Variants in GRM4 observed in about 807,000 individuals in gnomAD.
GRM4 encodes metabotropic glutamate receptor 4.
Under a neutral mutation model 81.7 loss-of-function variants are expected in GRM4, and 28 were observed. The ratio of observed to expected loss-of-function variants is 0.34; its 90% CI spans 0.25 to 0.47. The LOEUF is 0.47. Among genes scored for constraint, GRM4 ranks in the 20% least tolerant of loss-of-function variants. The pLI, the probability that GRM4 is intolerant of heterozygous loss-of-function variation, is 1.00. For synonymous variants in GRM4, 488 were observed against 528.8 expected (o/e 0.92, Z 1.06); for missense variants, 948 against 1,290.0 (o/e 0.73, Z 4.06).
chr6:34,051,580 A>C (rs1422265531), intron 6 of GRM4, among the ~76,000 whole-genome samples: 1 of 152,132 alleles, frequency 6.6e-6, no homozygotes, highest in African/African-American at 2.4e-5. Context: ...CGGATGCCAC[A>C]TCTGCCTTGT....
intron 3 of GRM4, among the ~76,000 whole-genome samples, chr6:34,073,989 G>A (rs769612988): frequency 2.0e-5 from 3 of 152,182 alleles, no homozygotes; most frequent in Admixed American, 1.3e-4. Context: ...TTCATGGAGC[G>A]GCTCTGTGGC....
chr6:34,109,808 T>C (rs1769291161), intron 2 of GRM4, among the ~76,000 whole-genome samples: 1 of 152,162 alleles, frequency 6.6e-6, no homozygotes, highest in Non-Finnish European at 1.5e-5. Context: ...TTCAGGATAC[T>C]GAGCTGAAAT....
intron 8 of GRM4, among the ~76,000 whole-genome samples, chr6:34,037,561 G>A (rs543322612): frequency 1.3e-5 from 2 of 152,168 alleles, no homozygotes; most frequent in South Asian, 4.2e-4. Context: ...GTGTGGGGAG[G>A]GCTTTAGAAT....
intron 6 of GRM4, 161 bp downstream of exon 6, chr6:34,056,383 C>A: frequency 1.6e-6 from 1 of 638,238 alleles, no homozygotes. Context: ...AAGGCCCCGC[C>A]CCAGGCCTCC....
chr6:34,142,558 G>A (rs547932415), intron 1 of GRM4, among the ~76,000 whole-genome samples: 12 of 152,294 alleles, frequency 7.9e-5, no homozygotes, highest in African/African-American at 2.6e-4. Context: ...CAGCAGGGTG[G>A]GGATGGGTGT....
At chr6:34,105,888 C>G (rs572650393) in intron 2 of GRM4, 146 of 152,324 alleles carry the variant, frequency 9.6e-4, no homozygotes, top group African/African-American at 3.4e-3. Flanking sequence ...ATTGTTGGCT[C>G]TACTTGAAAA....
Position 34,068,557 on chromosome 6 carries a change from C to T in GRM4, c.737-6529G>A, listed in dbSNP as rs564396689. On this transcript the variant is annotated intron_variant, in intron 3 of 10. Transcript: ENST00000538487. This position sits in a 1 kb window ranked among gnomAD's most constrained non-coding sequence, Gnocchi z 4.2. Reference sequence around the variant, plus strand: ...CCCCACCTGTCTCAAAAAGTCCCCCCTCCATCCTGCAAGGCCAGCCCTCCA... The same window carrying T: ...CCCCACCTGTCTCAAAAAGTCCCCCTTCCATCCTGCAAGGCCAGCCCTCCA... 4.6e-5 allele frequency among the ~76,000 whole-genome samples: 7 copies of T among 152,262 alleles called. No homozygotes were observed. The South Asian group carries it at 1.5e-3, about 32-fold the overall frequency.
At chr6:34,100,143 G>T in intron 2 of GRM4, 1 of 623,680 alleles carries the variant, frequency 1.6e-6, no homozygotes, top group Non-Finnish European at 2.0e-6. Context: ...GTGCTCCAGT[G>T]CAATTGATCA....
intron 8 of GRM4, among the ~76,000 whole-genome samples, chr6:34,037,671 T>A (rs909159578): frequency 1.3e-5 from 2 of 152,044 alleles, no homozygotes; most frequent in Non-Finnish European, 2.9e-5. Context: ...GAGACCAGCC[T>A]GGCCAACATG....
In GRM4 at chr6:34,080,480, C is replaced by A. The variant is rs1424981226; in HGVS notation, c.736+11403G>T. On this transcript the variant is annotated intron_variant, in intron 3 of 10. Transcript: ENST00000538487. The surrounding 1 kb of genome is among the most constrained non-coding windows in gnomAD (Gnocchi z 5.4). Reference sequence around the variant, plus strand: ...CGTACCCCAGTGTCCTGGTCCAATGCCTGGCACATAGTCAGTGCTCAATAA... The same window carrying A: ...CGTACCCCAGTGTCCTGGTCCAATGACTGGCACATAGTCAGTGCTCAATAA... Among the ~76,000 whole-genome samples, 1 of 152,210 alleles carries A rather than the reference C, an allele frequency of 6.6e-6. No homozygotes were observed. Among genetic ancestry groups the A allele is most frequent in the South Asian group, 2.1e-4 (1 of 4,832 alleles).
In GRM4 at chr6:34,035,232, G is replaced by GT. The variant is rs1764626650; in HGVS notation, c.2442+435dup. Among the ~76,000 whole-genome samples the GT allele has an allele frequency of 6.6e-6, 1 of 151,384 alleles. No homozygotes were observed. Among genetic ancestry groups the GT allele is most frequent in the Non-Finnish European group, 1.5e-5 (1 of 67,880 alleles). On this transcript the variant is annotated intron_variant, in intron 9 of 10. Transcript: ENST00000538487. The surrounding 1 kb of genome is among the most constrained non-coding windows in gnomAD (Gnocchi z 6.6). Reference sequence around the variant, plus strand: ...TCCAGGCTTATGGAGGGGGGAAGGGGTGAGAGAATAGGAGGAGGAAAGAAT... The same window carrying GT: ...TCCAGGCTTATGGAGGGGGGAAGGGGTTGAGAGAATAGGAGGAGGAAAGAAT...
rs1453293160 is a variant in GRM4, at chr6:34,070,543, T to C, written c.737-8515A>G. Among the ~76,000 whole-genome samples, 1 of 151,950 alleles carries C rather than the reference T, an allele frequency of 6.6e-6. No homozygotes were observed. On this transcript the variant is annotated intron_variant, in intron 3 of 10. Coordinates refer to ENST00000538487, the MANE Select transcript of GRM4 (RefSeq NM_000841.4). This position sits in a 1 kb window ranked among gnomAD's most constrained non-coding sequence, Gnocchi z 4.6. ...CAGTGTAGTGGTGTTTGTGCAGGTC[T>C]GCCCCCTGGAGCCAACACCTCTGGG...
chr6:34,019,592 G>A lies in GRM4; in HGVS notation c.*3229C>T, dbSNP rs1402596743. ...CCCTGCTGGTTAGAAAGTGTGCTGT[G>A]GGGTGGGATGTCTGCTAGCCCAATC... On this transcript the variant is annotated 3_prime_UTR_variant, in exon 11 of 11. Coordinates refer to ENST00000538487, the MANE Select transcript of GRM4 (RefSeq NM_000841.4). The A allele has an allele frequency of 1.3e-5, 2 of 152,326 alleles. No individual in the cohort carries two copies. Among genetic ancestry groups the A allele is most frequent in the East Asian group, 3.9e-4 (2 of 5,188 alleles). 9.4% of individuals were successfully genotyped at this position (152,326 alleles called of 1,614,324 possible). A position where few individuals can be genotyped will look rare whatever the true frequency, so the allele number is the denominator to read the frequency against.
Position 34,092,171 on chromosome 6 carries a change from C to A in GRM4, c.520-72G>T. ...CTGCCTAGCCAGCCCCATTCCCCTA[C>A]ACACCAACCTCCCTTTGGTCCCCAC... On this transcript the variant is annotated intron_variant, in intron 2 of 10. Coordinates refer to ENST00000538487, the MANE Select transcript of GRM4 (RefSeq NM_000841.4). This position sits in a 1 kb window ranked among gnomAD's most constrained non-coding sequence, Gnocchi z 6.8. The A allele has an allele frequency of 1.0e-6, 1 of 997,184 alleles. No individual in the cohort carries two copies. The highest frequency in any genetic ancestry group is 1.5e-6 in the Non-Finnish European group (1 of 650,484). 61.8% of individuals were successfully genotyped at this position (997,184 alleles called of 1,614,324 possible).
At chr6:34,137,582 C>CT (rs5875493) in intron 1 of GRM4, among the ~76,000 whole-genome samples, 75,577 of 149,902 alleles carry the variant, frequency 0.5, 20,203 homozygotes, top group Admixed American at 0.61. Context: ...TTCTAAGTCC[C>CT]TTTTTTTTCT....
rs1770454836 is a variant in GRM4, at chr6:34,136,390, A to G, written c.-363-2531T>C. Among the ~76,000 whole-genome samples, 1 of 152,026 alleles carries G rather than the reference A, an allele frequency of 6.6e-6. No homozygotes were observed. On this transcript the variant is annotated intron_variant, in intron 1 of 10. Transcript: ENST00000538487. The surrounding 1 kb of genome is among the most constrained non-coding windows in gnomAD (Gnocchi z 4.1). The stretch of plus-strand genomic sequence containing the variant: ...TTCAAACAGAGGGCTTTTTGGCATC[A>G]TGACAGGCTGTGTGCTGGGGCTACA...
chr6:34,042,069 C>T lies in GRM4; in HGVS notation c.1169-1321G>A, dbSNP rs539869930. On this transcript the variant is annotated intron_variant, in intron 6 of 10. Transcript: ENST00000538487. This position sits in a 1 kb window ranked among gnomAD's most constrained non-coding sequence, Gnocchi z 4.2. ...GAGTTCAAGACCAGCCCAGCCAACA[C>T]GCTGAAACCCCATCTCTACTCAAAA... is the stretch of plus-strand genomic sequence containing the variant. 2.0e-5 allele frequency among the ~76,000 whole-genome samples: 3 copies of T among 152,110 alleles called. No individual in the cohort carries two copies. Among genetic ancestry groups the T allele is most frequent in the Non-Finnish European group, 2.9e-5 (2 of 68,006 alleles).
rs902600543 is a variant in GRM4, at chr6:34,021,808, C to T, written c.*1013G>A. On this transcript the variant is annotated 3_prime_UTR_variant, in exon 11 of 11. Coordinates refer to ENST00000538487, the MANE Select transcript of GRM4 (RefSeq NM_000841.4). This position sits in a 1 kb window ranked among gnomAD's most constrained non-coding sequence, Gnocchi z 5.3. ...TAAGCCCTCCAGCTGCAGGCTGAGC[C>T]TGTGGTCCCATGGCAGGACCCTCAG... 2.0e-5 allele frequency: 3 copies of T among 152,828 alleles called. No individual in the cohort carries two copies. The highest frequency in any genetic ancestry group is 2.9e-5 in the Non-Finnish European group (2 of 68,168). 9.5% of individuals were successfully genotyped at this position (152,828 alleles called of 1,614,324 possible). A position where few individuals can be genotyped will look rare whatever the true frequency, so the allele number is the denominator to read the frequency against.
chr6:34,086,279 G>A (rs1041101800), intron 3 of GRM4, among the ~76,000 whole-genome samples: 3 of 152,216 alleles, frequency 2.0e-5, no homozygotes, highest in Non-Finnish European at 4.4e-5. Context: ...TCTCCTCAGC[G>A]GGCTGCCAGC....
Sources: allele counts gnomAD v4.1 joint callset (sites outside exome capture counted in the v4.1 genomes callset), GRCh38; gene constraint gnomAD v4.1.1; non-coding constraint Gnocchi (gnomAD v3.1); transcripts MANE v1.5; gene names NCBI Gene and HGNC (gene_info 2026-07-23, HGNC 2026-07-21).